Variants in VWA5B2 observed in about 807,000 individuals in gnomAD.
The protein encoded by VWA5B2 is von Willebrand factor A domain containing 5B2.
VWA5B2 carries 93 observed loss-of-function variants against 118.5 expected under a neutral mutation model. The ratio of observed to expected loss-of-function variants is 0.79; its 90% confidence interval spans 0.66 to 0.93. The LOEUF (loss-of-function observed/expected upper bound fraction) is 0.93. Ranked by LOEUF, VWA5B2 falls within the 40% of genes least tolerant of loss-of-function variation. The probability of loss-of-function intolerance (pLI) is 0.00; values close to 1 mark genes in which losing one functional copy is unlikely to be tolerated. For missense variants in VWA5B2, 1,546 were observed against 1,672.8 expected (o/e 0.92, Z 1.32); for synonymous variants, 708 against 716.3 (o/e 0.99, Z 0.19).
intron 7 of VWA5B2, 89 bp downstream of exon 7, chr3:184,234,844 C>A (rs541969862): frequency 6.6e-7 from 1 of 1,508,624 alleles, no homozygotes; most frequent in Non-Finnish European, 8.9e-7. Flanking sequence ...GGAATGGGTG[C>A]GGGGAGGCCT....
rs557126109 is a variant in VWA5B2 at position 184,235,380 on chromosome 3, G to T, written c.1101+72G>T. ...GTGGGTCTGAGGAGGGCTGGGGGCAGCCTCTTGAAGCCAGGAGTTACCTTG... is the reference window on the plus strand; with the variant it reads ...GTGGGTCTGAGGAGGGCTGGGGGCATCCTCTTGAAGCCAGGAGTTACCTTG... On this transcript the variant is annotated intron_variant, in intron 8 of 19. Transcript: ENST00000691901. 6.8e-6 allele frequency: 10 copies of T among 1,477,862 alleles called. No individual in the cohort carries two copies. In the East Asian group the frequency reaches 2.2e-4, roughly 33 times the overall value. 91.5% of individuals were successfully genotyped at this position (1,477,862 alleles called of 1,614,324 possible). A position where few individuals can be genotyped will look rare whatever the true frequency, so the allele number is the denominator to read the frequency against.
chr3:184,230,729 T>G lies in VWA5B2; in HGVS notation c.140-18T>G, dbSNP rs1717301627. ...GCGCCGGGCAGGGTCCGACGCCGCC[T>G]CCCGCCGCCCTCCCCAGGCGTGTTC... On this transcript the variant is annotated intron_variant, in intron 2 of 19. Transcript: ENST00000691901. 2 of 1,214,724 alleles carry G rather than the reference T, an allele frequency of 1.6e-6. No homozygotes were observed. The highest frequency in any genetic ancestry group is 1.0e-6 in the Non-Finnish European group (1 of 978,188). The allele number at this position is 1,214,724 out of a possible 1,614,324, so 75.2% of individuals were successfully genotyped here.
In VWA5B2 at chr3:184,230,400, G is replaced by A; in HGVS notation, c.-129G>A. 1 of 1,154,484 alleles carries A rather than the reference G, an allele frequency of 8.7e-7. No individual in the cohort carries two copies. The highest frequency in any genetic ancestry group is 2.3e-5 in the South Asian group (1 of 42,884). The allele number at this position is 1,154,484 out of a possible 1,614,324, so 71.5% of individuals were successfully genotyped here. A position where few individuals can be genotyped will look rare whatever the true frequency, so the allele number is the denominator to read the frequency against. ...CTCAGGAGCTCCCGCTCGGCCTCGCGCCCCGGCAGGCCCCGTCCGGGTGCT... is the reference window on the plus strand; with the variant it reads ...CTCAGGAGCTCCCGCTCGGCCTCGCACCCCGGCAGGCCCCGTCCGGGTGCT... On this transcript the variant is annotated 5_prime_UTR_variant, in exon 2 of 20. Transcript: ENST00000691901.
chr3:184,239,873 G>T lies in VWA5B2; in HGVS notation c.2577G>T (p.Gly859=), dbSNP rs1382300862. 1.9e-6 allele frequency: 3 copies of T among 1,551,550 alleles called. No homozygotes were observed. Among genetic ancestry groups the T allele is most frequent in the Non-Finnish European group, 2.6e-6 (3 of 1,146,986 alleles). ...CCATGTGCTGGGAGGTGGGTGTTGG[G>T]CTGGAGACACTGTGGGGACCTGGAG... ...EQPMCWEVGV[G]LETLWGPGDG... is the part of the protein sequence containing the mutation. The change falls in exon 16 of 20, where the codon GGG becomes GGT. Residue 859 remains glycine (G), a synonymous_variant. Transcript: ENST00000691901. This position sits in a 1 kb window ranked among gnomAD's most constrained non-coding sequence, Gnocchi z 5.1.
Position 184,241,132 on chromosome 3 carries a change from G to A in VWA5B2, c.2962+25G>A. The A allele has an allele frequency of 1.3e-6, 2 of 1,551,680 alleles. No homozygotes were observed. The highest frequency in any genetic ancestry group is 1.7e-6 in the Non-Finnish European group (2 of 1,146,962). ...GGTAACACCCAAAGGTAGGGAAAGGGTAGGGGCACTTGGGCTTAGAGACCG... is the reference window on the plus strand; with the variant it reads ...GGTAACACCCAAAGGTAGGGAAAGGATAGGGGCACTTGGGCTTAGAGACCG... On this transcript the variant is annotated intron_variant, in intron 18 of 19. Coordinates refer to ENST00000691901, the MANE Select transcript of VWA5B2 (RefSeq NM_001390846.1). This position sits in a 1 kb window ranked among gnomAD's most constrained non-coding sequence, Gnocchi z 5.1.
intron 3 of VWA5B2, chr3:184,232,964 G>A: frequency 3.5e-6 from 2 of 574,966 alleles, no homozygotes; most frequent in Non-Finnish European, 6.1e-6. Context: ...TGCTGCTCTT[G>A]CCTGATGACA....
In VWA5B2 at chr3:184,237,209, G is replaced by A. The variant is rs1044421098; in HGVS notation, c.1534-17G>A. On this transcript the variant is annotated splice_polypyrimidine_tract_variant and intron_variant, in intron 11 of 19. Coordinates refer to ENST00000691901, the MANE Select transcript of VWA5B2 (RefSeq NM_001390846.1). The surrounding 1 kb of genome is among the most constrained non-coding windows in gnomAD (Gnocchi z 5.6). Reference sequence around the variant, plus strand: ...CCTCTTTCCTTCCCATGTCTTCCCTGTGGCCACTCCCCACAGCTGGTACAG... The same window carrying A: ...CCTCTTTCCTTCCCATGTCTTCCCTATGGCCACTCCCCACAGCTGGTACAG... 1 of 1,548,164 alleles carries A rather than the reference G, an allele frequency of 6.5e-7. No individual in the cohort carries two copies. The highest frequency in any genetic ancestry group is 1.4e-5 in the African/African-American group (1 of 72,942).
chr3:184,241,575 G>C lies in VWA5B2; in HGVS notation c.3266G>C (p.Arg1089Pro). 1 of 1,547,814 alleles carries C rather than the reference G, an allele frequency of 6.5e-7. No homozygotes were observed. The highest frequency in any genetic ancestry group is 1.7e-4 in the Middle Eastern group (1 of 5,982). ...AVRISQERLC[R>P]ASPFAVHRAS... ...CGCATCTCGCAGGAGCGCCTCTGCC[G>C]TGCCTCGCCCTTTGCCGTGCACCGC... is the stretch of plus-strand genomic sequence containing the variant. Residue 1089 changes from arginine (R) to proline (P), a missense_variant, in exon 20 of 20, where the codon CGT (arginine) becomes CCT (proline). Arg to Pro is a moderately radical substitution (Grantham distance 103, BLOSUM62 -2). Coordinates refer to ENST00000691901, the MANE Select transcript of VWA5B2 (RefSeq NM_001390846.1). The surrounding 1 kb of genome is among the most constrained non-coding windows in gnomAD (Gnocchi z 5.1).
chr3:184,235,152 G>T lies in VWA5B2; in HGVS notation c.946-1G>T. 6.4e-7 allele frequency: 1 copy of T among 1,551,366 alleles called. No homozygotes were observed. The highest frequency in any genetic ancestry group is 2.4e-5 in the East Asian group (1 of 40,912). ...GGCTGACTTGGGACTCCCCCGCTCA[G>T]GTGTGGTTCCTGCAGCGACGCTTCC... On this transcript the variant is annotated splice_acceptor_variant, in intron 7 of 19. Transcript: ENST00000691901. LOFTEE classifies it high-confidence loss of function.
rs1003516020 is a variant in VWA5B2, at chr3:184,233,742, A to T, written c.688+9A>T. The T allele has an allele frequency of 6.5e-7, 1 of 1,549,654 alleles. No individual in the cohort carries two copies. The highest frequency in any genetic ancestry group is 2.0e-5 in the Admixed American group (1 of 50,942). ...GCCATGCCTGCTTGCAGGTGGGTGC[A>T]TCTGGCTGGCCTGCCCTCTTTTCAG... On this transcript the variant is annotated intron_variant, in intron 5 of 19. Transcript: ENST00000691901. The surrounding 1 kb of genome is among the most constrained non-coding windows in gnomAD (Gnocchi z 5.2).
In VWA5B2 at chr3:184,241,939, C is replaced by T. The variant is rs1718757535; in HGVS notation, c.3630C>T (p.Ala1210=). The change falls in exon 20 of 20, where the codon GCC becomes GCT. Residue 1210 remains alanine (A), a synonymous_variant. Coordinates refer to ENST00000691901, the MANE Select transcript of VWA5B2 (RefSeq NM_001390846.1). The surrounding 1 kb of genome is among the most constrained non-coding windows in gnomAD (Gnocchi z 5.1). ...AQHLPDGLDL[A]ALKAAARGLF... ...ACTTGCCTGACGGCCTTGACCTGGC[C>T]GCCCTCAAGGCCGCAGCCCGAGGGC... 1.3e-6 allele frequency: 2 copies of T among 1,548,758 alleles called. No homozygotes were observed. The highest frequency in any genetic ancestry group is 3.9e-5 in the Admixed American group (2 of 50,912).
intron 16 of VWA5B2, 183 bp from the exon 17 acceptor site, chr3:184,240,608 G>C (rs1718486301): frequency 6.0e-6 from 5 of 829,130 alleles, no homozygotes; most frequent in Non-Finnish European, 9.2e-6. Flanking sequence ...ATGGGTTGAA[G>C]ATTCAGCCTG....
At position 184,233,471 on chromosome 3, in the gene VWA5B2, A is replaced by G; in HGVS notation, c.530+74A>G. 1 of 1,501,782 alleles carries G rather than the reference A, an allele frequency of 6.7e-7. No homozygotes were observed. Among genetic ancestry groups the G allele is most frequent in the Admixed American group, 2.2e-5 (1 of 45,136 alleles). The allele number at this position is 1,501,782 out of a possible 1,614,324, so 93.0% of individuals were successfully genotyped here. ...CTAGTGCGGGTGAGGGGGCACTGGC[A>G]GGGTACCCAGGGATGGGAAGGGTGA... On this transcript the variant is annotated intron_variant, in intron 4 of 19. Transcript: ENST00000691901. The surrounding 1 kb of genome is among the most constrained non-coding windows in gnomAD (Gnocchi z 5.2).
chr3:184,238,348 T>A lies in VWA5B2; in HGVS notation c.1765T>A (p.Ser589Thr). 1 of 1,548,648 alleles carries A rather than the reference T, an allele frequency of 6.5e-7. No homozygotes were observed. The highest frequency in any genetic ancestry group is 8.7e-7 in the Non-Finnish European group (1 of 1,145,772). ...GAGCTCGGGTGGGTCCGTGTTTCCA[T>A]CCCCAGAAGAGGCCCCGTCTGCTGC... is the stretch of plus-strand genomic sequence containing the variant. ...WQSSGGSVFPSPEEAPSAASP... is the reference protein window; with the variant it reads ...WQSSGGSVFPTPEEAPSAASP... Residue 589 changes from serine (S) to threonine (T), a missense_variant, in exon 13 of 20, where the codon TCC (serine) becomes ACC (threonine). Ser to Thr is a moderately conservative substitution (Grantham distance 58). Coordinates refer to ENST00000691901, the MANE Select transcript of VWA5B2 (RefSeq NM_001390846.1). This position sits in a 1 kb window ranked among gnomAD's most constrained non-coding sequence, Gnocchi z 5.0.
intron 5 of VWA5B2, 25 bp from the exon 6 acceptor site, chr3:184,234,241 C>G (rs953800516): frequency 1.3e-6 from 2 of 1,549,650 alleles, no homozygotes; most frequent in Admixed American, 2.0e-5. Context: ...GCTACATCTC[C>G]CCTTCCTGCC....
At chr3:184,240,238 G>A (rs1037013673) in intron 16 of VWA5B2, among the ~76,000 whole-genome samples, 1 of 152,174 alleles carries the variant, frequency 6.6e-6, no homozygotes, top group African/African-American at 2.4e-5. Context: ...TATATTAAAG[G>A]TGCATGCTGT....
Position 184,236,349 on chromosome 3 carries a change from G to A in VWA5B2, c.1219G>A (p.Val407Met). 6.5e-7 allele frequency: 1 copy of A among 1,547,682 alleles called. No individual in the cohort carries two copies. Among genetic ancestry groups the A allele is most frequent in the Non-Finnish European group, 8.7e-7 (1 of 1,143,862 alleles). ...PESRPCSDDA[V>M]QLICESIETL... Reference sequence around the variant, plus strand: ...CTGTGCCTTCTCGCTCCAGGATGCTGTGCAGCTGATCTGCGAGAGCATTGA... The same window carrying A: ...CTGTGCCTTCTCGCTCCAGGATGCTATGCAGCTGATCTGCGAGAGCATTGA... The change falls in exon 10 of 20, where the codon GTG (valine) becomes ATG (methionine). Residue 407 changes from valine (V) to methionine (M), a missense_variant. By Grantham distance (21) the Val-to-Met change is conservative. Coordinates refer to ENST00000691901, the MANE Select transcript of VWA5B2 (RefSeq NM_001390846.1).
chr3:184,231,571 G>A (rs899938036), intron 3 of VWA5B2, among the ~76,000 whole-genome samples: 5 of 152,146 alleles, frequency 3.3e-5, no homozygotes, highest in Admixed American at 6.5e-5. Context: ...GTGCCCCCTC[G>A]TTATGGCACT....
rs759256176 is a variant in VWA5B2 at position 184,241,320 on chromosome 3, C to G, written c.3096C>G (p.Ser1032Arg). The change falls in exon 19 of 20, where the codon AGC (serine) becomes AGG (arginine). Residue 1032 changes from serine to arginine, a missense_variant. Around this residue, in one of 3 missense-constraint regions of VWA5B2, gnomAD observed 763 missense variants for 766.6 expected, o/e 1.00. Transcript: ENST00000691901. The surrounding 1 kb of genome is among the most constrained non-coding windows in gnomAD (Gnocchi z 5.1). ...CTCCCCGTCCTCCCTGTCGGCTCAG[C>G]ATGGGCCGCCGTCACAAACTCTGTA... ...RPPPRPPCRL[S>R]MGRRHKLCSP... The G allele has an allele frequency of 3.0e-5, 47 of 1,551,220 alleles. No individual in the cohort carries two copies. Among genetic ancestry groups the G allele is most frequent in the African/African-American group, 1.4e-5 (1 of 73,076 alleles).
Sources: gnomAD v4.1 joint callset for allele counts (sites outside exome capture counted in the v4.1 genomes callset) on GRCh38, gnomAD v4.1.1 for gene constraint, gnomAD v4.1.1 regional missense constraint, Gnocchi (gnomAD v3.1) non-coding constraint, MANE v1.5 for transcripts, NCBI Gene and HGNC (gene_info 2026-07-23, HGNC 2026-07-21) for gene names.